LONP1: variants seen among roughly 807,000 people sequenced by gnomAD.
LONP1 encodes lon peptidase 1, mitochondrial.
Under a neutral mutation model 98.5 loss-of-function variants are expected in LONP1, and 31 were observed. The observed-to-expected ratio is 0.31, with a 90% confidence interval of 0.24 to 0.42. The LOEUF is 0.42. LONP1 is among the 20% of genes least tolerant of loss of function. The probability of loss-of-function intolerance (pLI) is 1.00; values close to 1 mark genes in which losing one functional copy is unlikely to be tolerated. For missense variants in LONP1, 1,336 were observed against 1,350.6 expected, an observed-to-expected ratio of 0.99 and a Z score of 0.17; for synonymous variants, 781 against 594.7, an observed-to-expected ratio of 1.31 and a Z score of -4.56.
chr19:5,714,677 G>C (rs2055287665), intron 1 of LONP1, among the ~76,000 whole-genome samples: 1 of 147,946 alleles, frequency 6.8e-6, no homozygotes. Context: ...GGAGTGCAGT[G>C]GCATGATCTC....
chr19:5,707,242 G>A (rs1246294238), intron 6 of LONP1, 99 bp from the exon 7 acceptor site: 16 of 906,500 alleles, frequency 1.8e-5, no homozygotes, highest in South Asian at 4.2e-5. Flanking sequence ...AGATGCTGCC[G>A]GGAGGACCTG....
At chr19:5,719,614 C>A (rs903438485) in intron 1 of LONP1, 90 bp downstream of exon 1, 1 of 1,592,566 alleles carries the variant, frequency 6.3e-7, no homozygotes, top group Non-Finnish European at 8.5e-7. Flanking sequence ...GAAAAAGTTG[C>A]GAAACACAAG....
Position 5,707,141 on chromosome 19 carries a change from A to T in LONP1, c.1065T>A (p.Ile355=). 1 of 1,612,916 alleles carries T rather than the reference A, an allele frequency of 6.2e-7. No homozygotes were observed. The highest frequency in any genetic ancestry group is 8.5e-7 in the Non-Finnish European group (1 of 1,179,760). Residue 355 remains isoleucine (I), a splice_region_variant and synonymous_variant, in exon 7 of 18, where the codon ATT becomes ATA. Transcript: ENST00000360614. ...AGAGGGCCTTGTACAGCCGCTTAGG[A>T]ATCTGCCGAGACAGGGAGGACAGAA... ...ELQDVLEETN[I]PKRLYKALSL...
chr19:5,709,907 C>CAAAAAA (rs755774542), intron 4 of LONP1, among the ~76,000 whole-genome samples: 7 of 38,664 alleles, frequency 1.8e-4, no homozygotes, highest in African/African-American at 7.2e-4. Context: ...GGCTCCATCT[C>CAAAAAA]AAAAAAAAAA....
At chr19:5,694,582 G>C (rs777882972) in intron 14 of LONP1, 30 bp from the exon 15 acceptor site, 2 of 1,599,442 alleles carry the variant, frequency 1.3e-6, no homozygotes, top group African/African-American at 2.7e-5. Context: ...CAATGGGCAC[G>C]GGAAGGTGGG....
rs201504721 is a variant in LONP1 at position 5,693,546 on chromosome 19, G to A, written c.2538+6C>T. 797 of 1,613,970 alleles carry A rather than the reference G, an allele frequency of 4.9e-4. 5 individuals carry two copies. In the African/African-American group the frequency reaches 9.4e-3, roughly 19 times the overall value. On this transcript the variant is annotated splice_donor_region_variant and intron_variant, in intron 16 of 17. Transcript: ENST00000360614. The stretch of plus-strand genomic sequence containing the variant: ...GGGAGCAGGTGGGAGCGGATGGCGC[G>A]GTCACCTCGGGCACATGCAGGTGGA...
intron 4 of LONP1, 64 bp downstream of exon 4, chr19:5,711,707 G>C: frequency 1.4e-6 from 2 of 1,381,696 alleles, no homozygotes; most frequent in Non-Finnish European, 2.0e-6. Context: ...GAGGCCGCAG[G>C]AACGGCTCAA....
rs528557208 is a variant in LONP1, at chr19:5,701,476, G to A, written c.1368-549C>T. Among the ~76,000 whole-genome samples the A allele has an allele frequency of 1.2e-3, 188 of 152,320 alleles. 1 individual carries two copies. Among genetic ancestry groups the A allele is most frequent in the African/African-American group, 3.2e-3 (134 of 41,578 alleles). Reference sequence around the variant, plus strand: ...CTGCCGAGTGCCTGCGATTGCAGGCGCGCGCCGCCACGCCTGACTGGTTTT... The same window carrying A: ...CTGCCGAGTGCCTGCGATTGCAGGCACGCGCCGCCACGCCTGACTGGTTTT... On this transcript the variant is annotated intron_variant, in intron 8 of 17. Coordinates refer to ENST00000360614, the MANE Select transcript of LONP1 (RefSeq NM_004793.4).
intron 8 of LONP1, among the ~76,000 whole-genome samples, chr19:5,702,516 T>C (rs2055072340): frequency 6.6e-6 from 1 of 152,080 alleles, no homozygotes; most frequent in African/African-American, 2.4e-5. Context: ...AGCCGCCCCA[T>C]CTGGGAGGTG....
chr19:5,702,682 C>A (rs1190651588), intron 8 of LONP1, among the ~76,000 whole-genome samples: 2 of 152,070 alleles, frequency 1.3e-5, no homozygotes, highest in African/African-American at 2.4e-5. Flanking sequence ...AAGAAAAATT[C>A]TTCTGCCTTG....
At chr19:5,695,511 T>C (rs1156937535) in intron 13 of LONP1, among the ~76,000 whole-genome samples, 2 of 152,192 alleles carry the variant, frequency 1.3e-5, no homozygotes, top group African/African-American at 2.4e-5. Flanking sequence ...GCAGTGGGCA[T>C]TGAAGCCCCC....
Position 5,696,333 on chromosome 19 carries a change from C to G in LONP1, c.1812G>C (p.Ser604=), listed in dbSNP as rs142511312. ...GGTCCAGCAGCTCCAGCAGTGCCGA[C>G]GACGGGTCCCCCTGGTAGCCTCGGC... ...KIGRGYQGDP[S]SALLELLDPE... The change falls in exon 12 of 18, where the codon TCG becomes TCC. Residue 604 remains serine, a synonymous_variant. Coordinates refer to ENST00000360614, the MANE Select transcript of LONP1 (RefSeq NM_004793.4). 1 of 1,613,184 alleles carries G rather than the reference C, an allele frequency of 6.2e-7. No homozygotes were observed. Among genetic ancestry groups the G allele is most frequent in the Non-Finnish European group, 8.5e-7 (1 of 1,179,894 alleles).
At chr19:5,701,880 G>C (rs1272578239) in intron 8 of LONP1, among the ~76,000 whole-genome samples, 1 of 151,536 alleles carries the variant, frequency 6.6e-6, no homozygotes, top group Non-Finnish European at 1.5e-5. Context: ...CATCTGAGAT[G>C]TGGGGAGCGC....
chr19:5,716,697 CAA>C (rs1304161757), intron 1 of LONP1, among the ~76,000 whole-genome samples: 1 of 151,960 alleles, frequency 6.6e-6, no homozygotes, highest in Non-Finnish European at 1.5e-5. Flanking sequence ...AGCATTTGGA[CAA>C]AAAGTTTTCT....
rs776203533 is a variant in LONP1 at position 5,711,969 on chromosome 19, G to A, written c.672C>T (p.Pro224=). Residue 224 remains proline (P), a synonymous_variant, in exon 4 of 18, where the codon CCC becomes CCT. Transcript: ENST00000360614. The part of the protein sequence containing the change: ...VHISRQLEVE[P]EEPEAENKHK... ...GCTTGTTCTCCGCCTCCGGCTCCTC[G>A]GGCTCCACCTCCAGCTGTCTGCTGA... 5.1e-5 allele frequency: 83 copies of A among 1,613,034 alleles called. 1 individual carries two copies. The South Asian group carries it at 6.8e-4, about 13-fold the overall frequency.
Position 5,692,149 on chromosome 19 carries a change from G to A in LONP1, c.2763C>T (p.Tyr921=), listed in dbSNP as rs201860702. ...CCTCGGTGATGAAGGCTGCCAGGTC[G>A]TAGAAGTCCTTCTTGTTCTCGGCTG... ...VLPAENKKDF[Y]DLAAFITEGL... Residue 921 remains tyrosine (Y), a synonymous_variant, in exon 18 of 18, where the codon TAC becomes TAT. Coordinates refer to ENST00000360614, the MANE Select transcript of LONP1 (RefSeq NM_004793.4). 48 of 1,614,114 alleles carry A rather than the reference G, an allele frequency of 3.0e-5. No individual in the cohort carries two copies. In the African/African-American group the frequency reaches 4.8e-4, roughly 16 times the overall value.
chr19:5,692,974 C>A (rs1353526153), intron 17 of LONP1, among the ~76,000 whole-genome samples: 1 of 152,102 alleles, frequency 6.6e-6, no homozygotes, highest in Non-Finnish European at 1.5e-5. Flanking sequence ...GCTCCAAACA[C>A]CCCCGCCACC....
chr19:5,712,640 G>A (rs760513205), intron 3 of LONP1, among the ~76,000 whole-genome samples: 2 of 152,226 alleles, frequency 1.3e-5, no homozygotes, highest in African/African-American at 2.4e-5. Flanking sequence ...GGGACTACAG[G>A]AACACGCCGT....
intron 8 of LONP1, 98 bp from the exon 9 acceptor site, chr19:5,701,025 T>C (rs2055031776): frequency 3.6e-6 from 5 of 1,396,520 alleles, no homozygotes; most frequent in Non-Finnish European, 4.0e-6. Context: ...TTGAAACCCA[T>C]GTGTGGGGCT....
Sources: gnomAD v4.1 joint callset for allele counts (sites outside exome capture counted in the v4.1 genomes callset) on GRCh38, gnomAD v4.1.1 for gene constraint, MANE v1.5 for transcripts, NCBI Gene and HGNC (gene_info 2026-07-23, HGNC 2026-07-21) for gene names.